The following PTPN21 variants were observed in gnomAD, a reference collection of about 807,000 sequenced individuals.
PTPN21 encodes tyrosine-protein phosphatase non-receptor type 21.
Under a neutral mutation model 131.8 loss-of-function variants are expected in PTPN21, and 77 were observed. The ratio of observed to expected loss-of-function variants is 0.58; its 90% CI spans 0.49 to 0.71. The LOEUF (loss-of-function observed/expected upper bound fraction) is 0.71. Ranked by LOEUF, PTPN21 falls within the 30% of genes least tolerant of loss-of-function variation. The probability of loss-of-function intolerance (pLI) is 0.00; values close to 1 mark genes in which losing one functional copy is unlikely to be tolerated. For missense variants in PTPN21, 1,552 were observed against 1,527.1 expected (o/e 1.02, Z -0.27); for synonymous variants, 715 against 621.3 (o/e 1.15, Z -2.24).
chr14:88,507,895 C>G (rs765356691), intron 4 of PTPN21, 28 bp downstream of exon 4: 1 of 1,387,008 alleles, frequency 7.2e-7, no homozygotes, highest in South Asian at 1.3e-5. Flanking sequence ...CTGATAGAAC[C>G]ATTTCATTAT....
intron 3 of PTPN21, among the ~76,000 whole-genome samples, chr14:88,515,805 T>C (rs1372311799): frequency 6.6e-6 from 1 of 152,236 alleles, no homozygotes; most frequent in African/African-American, 2.4e-5. Flanking sequence ...GATTAAAGCA[T>C]ATTCACCTCC....
chr14:88,542,806 A>G (rs937962515), intron 2 of PTPN21, among the ~76,000 whole-genome samples: 1 of 152,198 alleles, frequency 6.6e-6, no homozygotes, highest in Non-Finnish European at 1.5e-5. Context: ...AGCTTTCTCT[A>G]TCTAGGTGAG....
intron 3 of PTPN21, among the ~76,000 whole-genome samples, chr14:88,511,017 A>G (rs1442163103): frequency 6.6e-6 from 1 of 151,564 alleles, no homozygotes. Context: ...GACTCAAGTG[A>G]TCCTTGAGCC....
At chr14:88,504,677 G>C (rs997328188) in intron 5 of PTPN21, among the ~76,000 whole-genome samples, 182 bp from the exon 6 acceptor site, 1 of 150,914 alleles carries the variant, frequency 6.6e-6, no homozygotes, top group Non-Finnish European at 1.5e-5. Context: ...CTTCTCACAA[G>C]AGCCAAAAAA....
In PTPN21 at chr14:88,530,644, A is replaced by G. The variant is rs556198998; in HGVS notation, c.181-13383T>C. 5.3e-5 allele frequency among the ~76,000 whole-genome samples: 8 copies of G among 152,278 alleles called. No individual in the cohort carries two copies. The East Asian group carries it at 1.5e-3, about 29-fold the overall frequency. ...AGCAAGCAGGAGTAGTTATTCTTATATTGGGCGAATCAGGCTTTAAAGCAA... is the reference window on the plus strand; with the variant it reads ...AGCAAGCAGGAGTAGTTATTCTTATGTTGGGCGAATCAGGCTTTAAAGCAA... On this transcript the variant is annotated intron_variant, in intron 2 of 18. Coordinates refer to ENST00000556564, the MANE Select transcript of PTPN21 (RefSeq NM_007039.4).
At position 88,479,391 on chromosome 14, in the gene PTPN21, C is replaced by G. The variant is rs2077601267; in HGVS notation, c.2040G>C (p.Glu680Asp). The G allele has an allele frequency of 1.2e-6, 2 of 1,606,164 alleles. No individual in the cohort carries two copies. The highest frequency in any genetic ancestry group is 1.7e-6 in the Non-Finnish European group (2 of 1,179,352). Residue 680 changes from glutamate (E) to aspartate (D), a missense_variant, in exon 13 of 19, where the codon GAG (glutamate) becomes GAC (aspartate). Coordinates refer to ENST00000556564, the MANE Select transcript of PTPN21 (RefSeq NM_007039.4). ...CCTCCGGCCCTTCTCGCTGTGTCCT[C>G]TCGGTGAAAACGCTGGGCTGGGAGC... ...SVGSQPSVFT[E>D]RTQREGPEEA...
chr14:88,492,042 A>C (rs750099095), intron 10 of PTPN21, among the ~76,000 whole-genome samples: 2 of 151,462 alleles, frequency 1.3e-5, no homozygotes, highest in African/African-American at 4.9e-5. Flanking sequence ...AAAAAAACAC[A>C]AAACAAAACA....
chr14:88,538,824 C>A (rs1357699229), intron 2 of PTPN21, among the ~76,000 whole-genome samples: 1 of 152,162 alleles, frequency 6.6e-6, no homozygotes, highest in Non-Finnish European at 1.5e-5. Flanking sequence ...TCAGTTTTCC[C>A]ATCAGTAAAA....
At chr14:88,474,064 AAG>A in intron 13 of PTPN21, 1 of 258,302 alleles carries the variant, frequency 3.9e-6, no homozygotes, top group East Asian at 7.7e-5. Context: ...GTTGTAATGA[AAG>A]GTGAGGCTCC....
intron 10 of PTPN21, among the ~76,000 whole-genome samples, chr14:88,488,053 T>G (rs569177918): frequency 4.1e-4 from 62 of 152,260 alleles, no homozygotes; most frequent in African/African-American, 1.4e-3. Flanking sequence ...TGGTTATTCT[T>G]CATTGTCAGG....
At chr14:88,472,963 A>T (rs76766608) in intron 14 of PTPN21, among the ~76,000 whole-genome samples, 1,804 of 152,268 alleles carry the variant, frequency 0.012, 20 homozygotes, top group Middle Eastern at 0.034. Context: ...TATAATGCAA[A>T]CTTTTGTTTA....
Position 88,504,419 on chromosome 14 carries a change from A to C in PTPN21, c.587+6T>G. The C allele has an allele frequency of 6.3e-7, 1 of 1,577,144 alleles. No homozygotes were observed. Among genetic ancestry groups the C allele is most frequent in the Non-Finnish European group, 8.7e-7 (1 of 1,146,606 alleles). The stretch of plus-strand genomic sequence containing the variant: ...GCTATTTCCATGTCTTATTTCTTAG[A>C]GTTACCTGTATTTCTGATGTAGTAA... On this transcript the variant is annotated splice_donor_region_variant and intron_variant, in intron 6 of 18. Coordinates refer to ENST00000556564, the MANE Select transcript of PTPN21 (RefSeq NM_007039.4).
intron 12 of PTPN21, among the ~76,000 whole-genome samples, chr14:88,481,865 AAT>A (rs2077657352): frequency 6.6e-6 from 1 of 152,218 alleles, no homozygotes. Context: ...CAGGCACAAC[AAT>A]GCGACTAGTA....
chr14:88,501,424 T>C, intron 6 of PTPN21, 56 bp from the exon 7 acceptor site: 1 of 1,441,804 alleles, frequency 6.9e-7, no homozygotes, highest in Non-Finnish European at 9.7e-7. Flanking sequence ...TGGTTTAAAA[T>C]AAAGCTTTTC....
intron 13 of PTPN21, among the ~76,000 whole-genome samples, chr14:88,475,579 T>C (rs902949440): frequency 6.6e-6 from 1 of 152,178 alleles, no homozygotes; most frequent in African/African-American, 2.4e-5. Context: ...CTGCTTAGGC[T>C]GAAATTTAAT....
Position 88,469,716 on chromosome 14 carries a change from C to G in PTPN21, c.3018G>C (p.Lys1006Asn). ...CAAGTCGTGGCCAGTACCTAAAGCT[C>G]TTCTCCCTTCCACCCTCCTGTTAAA... ...VTAEEEGGRE[K>N]SFRYWPRLGS... Residue 1006 changes from lysine (K) to asparagine (N), a missense_variant, in exon 17 of 19, where the codon AAG becomes AAC. Lys to Asn is a moderately conservative substitution (Grantham distance 94). Around this residue, in one of 4 missense-constraint regions of PTPN21, gnomAD observed 316 missense variants for 378.5 expected, o/e 0.83. Coordinates refer to ENST00000556564, the MANE Select transcript of PTPN21 (RefSeq NM_007039.4). The surrounding 1 kb of genome is among the most constrained non-coding windows in gnomAD (Gnocchi z 4.3). The G allele has an allele frequency of 6.2e-7, 1 of 1,614,194 alleles. No homozygotes were observed.
chr14:88,479,233 C>T lies in PTPN21; in HGVS notation c.2198G>A (p.Arg733His), dbSNP rs1461721444. The stretch of plus-strand genomic sequence containing the variant: ...CTGGGCCAGGCCGGGCCGAGGCTCG[C>T]GCGCACGTGCAGGAGGCGCCCGGGC... ...SGARAPPARA[R>H]EPRPGLAQDP... Residue 733 changes from arginine (R) to histidine (H), a missense_variant, in exon 13 of 19, where the codon CGC (arginine) becomes CAC (histidine). This residue lies in a region of PTPN21 where 1,016 missense variants were observed against 883.5 expected (regional missense o/e 1.15). Transcript: ENST00000556564. 3 of 1,606,180 alleles carry T rather than the reference C, an allele frequency of 1.9e-6. No individual in the cohort carries two copies. The highest frequency in any genetic ancestry group is 2.2e-5 in the East Asian group (1 of 44,692).
At chr14:88,551,093 G>A (rs1230181615) in intron 1 of PTPN21, 1 of 152,184 alleles carries the variant, frequency 6.6e-6, no homozygotes, top group Non-Finnish European at 1.5e-5. Context: ...CAAATGGGAG[G>A]AATAATCCCC....
chr14:88,483,212 C>CAA (rs10586298), intron 12 of PTPN21, among the ~76,000 whole-genome samples: 90 of 95,614 alleles, frequency 9.4e-4, no homozygotes, highest in African/African-American at 3.1e-3. Flanking sequence ...ACTCCGTCTC[C>CAA]AAAAAAAAAA....
Sources: gnomAD v4.1 joint callset for allele counts (sites outside exome capture counted in the v4.1 genomes callset) on GRCh38, gnomAD v4.1.1 for gene constraint, gnomAD v4.1.1 regional missense constraint, Gnocchi (gnomAD v3.1) non-coding constraint, MANE v1.5 for transcripts, NCBI Gene and HGNC (gene_info 2026-07-23, HGNC 2026-07-21) for gene names.